RPL28: variants seen among roughly 807,000 people sequenced by gnomAD.
RPL28 encodes large ribosomal subunit protein eL28.
RPL28 carries 4 observed loss-of-function variants against 12.5 expected under a neutral mutation model. That is an observed-to-expected ratio of 0.32 (90% confidence interval 0.16 to 0.73). RPL28 has a LOEUF of 0.73. Ranked by LOEUF, RPL28 falls within the 30% of genes least tolerant of loss-of-function variation. The pLI is 0.66. For missense variants in RPL28, 214 were observed against 197.7 expected (o/e 1.08, Z -0.49); for synonymous variants, 91 against 72.5 (o/e 1.26, Z -1.30).
At chr19:55,397,971 G>A (rs1039049786) in intron 4 of RPL28, among the ~76,000 whole-genome samples, 26 of 152,038 alleles carry the variant, frequency 1.7e-4, no homozygotes, top group African/African-American at 4.6e-4. Context: ...CGAGGCAGGC[G>A]GATCACTTGA....
chr19:55,391,588 G>T lies in RPL28; in HGVS notation c.*3256G>T, dbSNP rs772257548. 3 of 1,548,566 alleles carry T rather than the reference G, an allele frequency of 1.9e-6. No individual in the cohort carries two copies. The highest frequency in any genetic ancestry group is 3.9e-5 in the Admixed American group (2 of 50,954). On this transcript the variant is annotated 3_prime_UTR_variant, in exon 5 of 5. Transcript: ENST00000344063. ...GCATCTACTGGGTCAGGGCTCTGCT[G>T]CTCGGTGGCTGTGCAACCTTGGGCA...
At chr19:55,394,814 C>T (rs114405691), downstream of RPL28, among the ~76,000 whole-genome samples, 168 of 152,230 alleles carry the variant, frequency 1.1e-3, 1 homozygote, top group African/African-American at 4.0e-3. Flanking sequence ...GCTCAATCCT[C>T]CCAAAGTGCT....
At position 55,389,419 on chromosome 19, in the gene RPL28, C is replaced by CT. The variant is rs752364297; in HGVS notation, c.*1088dup. 14 of 985,302 alleles carry CT rather than the reference C, an allele frequency of 1.4e-5. No homozygotes were observed. Among genetic ancestry groups the CT allele is most frequent in the South Asian group, 1.4e-4 (3 of 21,286 alleles). The allele number at this position is 985,302 out of a possible 1,614,324, so 61.0% of individuals were successfully genotyped here. A position where few individuals can be genotyped will look rare whatever the true frequency, so the allele number is the denominator to read the frequency against. ...TCACATGTTTCCTGGGCACCTAACTCTGTCAGCCACTGCCAGGGACCAAGG... is the reference window on the plus strand; with the variant it reads ...TCACATGTTTCCTGGGCACCTAACTCTTGTCAGCCACTGCCAGGGACCAAGG... On this transcript the variant is annotated 3_prime_UTR_variant, in exon 5 of 5. Transcript: ENST00000344063.
chr19:55,393,242 G>A (rs954856037), downstream of RPL28, among the ~76,000 whole-genome samples: 3 of 17,218 alleles, frequency 1.7e-4, no homozygotes, highest in South Asian at 2.8e-3. Flanking sequence ...CTTGGCCGAC[G>A]CACCCCCCCC....
In RPL28 at chr19:55,401,766, T is replaced by A. The variant is rs770103857; in HGVS notation, c.325-1177T>A. Reference sequence around the variant, plus strand: ...GGATCAGCAGGCACTTGATGGTCTGTGGGAAGAGGCTCAGGGTCACAGTGG... The same window carrying A: ...GGATCAGCAGGCACTTGATGGTCTGAGGGAAGAGGCTCAGGGTCACAGTGG... On this transcript the variant is annotated intron_variant, in intron 4 of 4. Transcript: ENST00000560055. The A allele has an allele frequency of 2.5e-6, 4 of 1,613,030 alleles. No individual in the cohort carries two copies. The Admixed American group carries it at 6.7e-5, about 27-fold the overall frequency.
chr19:55,401,324 G>T, intron 4 of RPL28: 2 of 951,778 alleles, frequency 2.1e-6, no homozygotes, highest in Non-Finnish European at 3.1e-6. Context: ...CCAGGTCCCA[G>T]TGCCCCCTGT....
chr19:55,388,456 A>C lies in RPL28; in HGVS notation c.*124A>C. ...TTGTCATTCAGGCCATGTCATCAAA[A>C]CTCTGCATGTCACCTTGTCCATCTG... On this transcript the variant is annotated 3_prime_UTR_variant, in exon 5 of 5. Coordinates refer to ENST00000344063, the MANE Select transcript of RPL28 (RefSeq NM_000991.5). The C allele has an allele frequency of 1.5e-6, 2 of 1,338,162 alleles. No homozygotes were observed. Among genetic ancestry groups the C allele is most frequent in the Non-Finnish European group, 9.6e-7 (1 of 1,038,644 alleles). 82.9% of individuals were successfully genotyped at this position (1,338,162 alleles called of 1,614,324 possible). A position where few individuals can be genotyped will look rare whatever the true frequency, so the allele number is the denominator to read the frequency against.
At position 55,402,964 on chromosome 19, in the gene RPL28, C is replaced by T. The variant is rs577437951; in HGVS notation, c.346C>T (p.Gln116Ter). 2.0e-6 allele frequency: 3 copies of T among 1,533,894 alleles called. No homozygotes were observed. Among genetic ancestry groups the T allele is most frequent in the African/African-American group, 1.4e-5 (1 of 72,928 alleles). Residue 116 changes from glutamine (Q) to a stop codon, truncating the protein, a stop_gained, in exon 5 of 5, where the codon CAG (glutamine) becomes TAG (stop). Coordinates refer to the RPL28 transcript ENST00000560055. LOFTEE classifies it low-confidence loss of function (END_TRUNC). ...TCAGCTTGCGGGAAGGGTTGGGAGG[C>T]AGCAGGCTGTAAGCAGCCTGGAGCA...
In RPL28 at chr19:55,391,618, C is replaced by T. The variant is rs1462091020; in HGVS notation, c.*3286C>T. 1 of 1,547,228 alleles carries T rather than the reference C, an allele frequency of 6.5e-7. No individual in the cohort carries two copies. Among genetic ancestry groups the T allele is most frequent in the East Asian group, 2.4e-5 (1 of 40,886 alleles). ...GTGGCTGTGCAACCTTGGGCAAGTT[C>T]CTCAACCTCTCTGTGTCTTCGTACC... On this transcript the variant is annotated 3_prime_UTR_variant, in exon 5 of 5. Coordinates refer to ENST00000344063, the MANE Select transcript of RPL28 (RefSeq NM_000991.5).
chr19:55,401,769 G>A (rs775546452), intron 4 of RPL28: 1 of 1,613,048 alleles, frequency 6.2e-7, no homozygotes, highest in South Asian at 1.1e-5. Context: ...TGGTCTGTGG[G>A]AAGAGGCTCA....
rs2089982929 is a variant in RPL28, at chr19:55,390,791, G to C, written c.*2459G>C. 2 of 985,370 alleles carry C rather than the reference G, an allele frequency of 2.0e-6. No individual in the cohort carries two copies. Among genetic ancestry groups the C allele is most frequent in the Admixed American group, 6.1e-5 (1 of 16,266 alleles). 61.0% of individuals were successfully genotyped at this position (985,370 alleles called of 1,614,324 possible). A position where few individuals can be genotyped will look rare whatever the true frequency, so the allele number is the denominator to read the frequency against. ...TGGAGGAACCAGGAGAGGGCTGGAG[G>C]GAGGGAGATGGTCTCAGCCCCACAG... On this transcript the variant is annotated 3_prime_UTR_variant, in exon 5 of 5. Transcript: ENST00000344063.
chr19:55,392,555 C>T (rs1419569195), downstream of RPL28, among the ~76,000 whole-genome samples: 8 of 141,378 alleles, frequency 5.7e-5, no homozygotes, highest in African/African-American at 1.6e-4. Context: ...TTTTTTGAGG[C>T]GGAGTCACGC....
intron 1 of RPL28, 135 bp from the exon 2 acceptor site, chr19:55,386,215 T>C: frequency 1.3e-6 from 1 of 764,474 alleles, no homozygotes; most frequent in East Asian, 2.7e-5. Context: ...TCTAGGTCGC[T>C]GTCTGCCCTC....
chr19:55,387,484 TA>T, intron 3 of RPL28: 1 of 1,463,606 alleles, frequency 6.8e-7, no homozygotes, highest in Non-Finnish European at 9.0e-7. Flanking sequence ...GATTGCCGAA[TA>T]CATGGGTGGC....
intron 4 of RPL28, chr19:55,401,538 T>G: frequency 6.2e-7 from 1 of 1,610,448 alleles, no homozygotes; most frequent in South Asian, 1.1e-5. Context: ...CCTCAGCCCC[T>G]CCCGGGCCCC....
Position 55,391,703 on chromosome 19 carries a change from T to C in RPL28, c.*3371T>C. On this transcript the variant is annotated 3_prime_UTR_variant, in exon 5 of 5. Coordinates refer to ENST00000344063, the MANE Select transcript of RPL28 (RefSeq NM_000991.5). Reference sequence around the variant, plus strand: ...ACTCAGGGTTGATGAGAAGATTAAATGTGCAAAACCTGCTTGACTGTGCCC... The same window carrying C: ...ACTCAGGGTTGATGAGAAGATTAAACGTGCAAAACCTGCTTGACTGTGCCC... 6.5e-7 allele frequency: 1 copy of C among 1,533,904 alleles called. No individual in the cohort carries two copies. The highest frequency in any genetic ancestry group is 8.8e-7 in the Non-Finnish European group (1 of 1,132,108).
chr19:55,402,355 A>T (rs903596697), intron 4 of RPL28, among the ~76,000 whole-genome samples: 2 of 152,210 alleles, frequency 1.3e-5, no homozygotes, highest in African/African-American at 4.8e-5. Context: ...TGGACCACAC[A>T]CAAGAGGGCA....
intron 4 of RPL28, among the ~76,000 whole-genome samples, chr19:55,398,283 T>C (rs528408240): frequency 1.3e-5 from 2 of 152,278 alleles, no homozygotes; most frequent in East Asian, 1.9e-4. Flanking sequence ...CCGGCATGGA[T>C]GGTTGTGAAG....
intron 1 of RPL28, 52 bp downstream of exon 1, chr19:55,386,017 C>G: frequency 3.3e-6 from 1 of 300,850 alleles, no homozygotes; most frequent in Non-Finnish European, 6.6e-6. Flanking sequence ...GCCGCGCACT[C>G]CCTCTCAGTC....
Sources: allele counts gnomAD v4.1 joint callset (sites outside exome capture counted in the v4.1 genomes callset), GRCh38; gene constraint gnomAD v4.1.1; transcripts MANE v1.5; gene names NCBI Gene and HGNC (gene_info 2026-07-23, HGNC 2026-07-21).